Variants in TYRO3 observed in about 807,000 individuals in gnomAD.
TYRO3 encodes TYRO3 protein tyrosine kinase, also known as tyrosine-protein kinase receptor TYRO3.
A neutral mutation model predicts 95.2 loss-of-function variants in TYRO3; 38 were observed. The observed-to-expected ratio is 0.40, with a 90% CI of 0.31 to 0.52. TYRO3 has a LOEUF of 0.52. TYRO3 is among the 20% of genes least tolerant of loss of function. TYRO3 has a pLI of 0.56. For synonymous variants in TYRO3, 367 were observed against 432.9 expected, an observed-to-expected ratio of 0.85 and a Z score of 1.89; for missense variants, 812 against 1,116.4, an observed-to-expected ratio of 0.73 and a Z score of 3.89.
rs749651412 is a variant in TYRO3, at chr15:41,562,639, A to G, written c.501A>G (p.Glu167=). Residue 167 remains glutamate, a synonymous_variant, in exon 4 of 19, where the codon GAA becomes GAG. Coordinates refer to ENST00000263798, the MANE Select transcript of TYRO3 (RefSeq NM_006293.4). The stretch of plus-strand genomic sequence containing the variant: ...CTTGTGAGGCTGTGGGTCCCCCTGA[A>G]CCTGTTACCATTGTCTGGTGGAGAG... The part of the protein sequence containing the change: ...QLSCEAVGPP[E]PVTIVWWRGT... 2.5e-6 allele frequency: 4 copies of G among 1,613,964 alleles called. No homozygotes were observed. The highest frequency in any genetic ancestry group is 3.4e-6 in the Non-Finnish European group (4 of 1,180,054).
chr15:41,576,913 C>T (rs1330896053), intron 18 of TYRO3, among the ~76,000 whole-genome samples: 1 of 151,880 alleles, frequency 6.6e-6, no homozygotes, highest in Non-Finnish European at 1.5e-5. Context: ...ATCTTTTAGC[C>T]TCAGCCTCCT....
chr15:41,568,629 C>T (rs763602278), intron 8 of TYRO3, among the ~76,000 whole-genome samples: 5 of 152,080 alleles, frequency 3.3e-5, no homozygotes, highest in Non-Finnish European at 7.4e-5. Flanking sequence ...AAGGCTTTGT[C>T]CCCAGCTCAG....
At chr15:41,574,233 C>G (rs1431247757) in intron 18 of TYRO3, among the ~76,000 whole-genome samples, 1 of 152,110 alleles carries the variant, frequency 6.6e-6, no homozygotes, top group Admixed American at 6.6e-5. Flanking sequence ...CCCAGCTAGT[C>G]TAAGAAAACT....
chr15:41,577,791 A>C, intron 18 of TYRO3, 95 bp from the exon 19 acceptor site: 328 of 1,198,510 alleles, frequency 2.7e-4, no homozygotes, highest in Non-Finnish European at 3.2e-4. Flanking sequence ...CCACCAGGGA[A>C]TAAAATTTTT....
chr15:41,567,867 C>T (rs1053607754), intron 7 of TYRO3, among the ~76,000 whole-genome samples: 1 of 152,220 alleles, frequency 6.6e-6, no homozygotes, highest in African/African-American at 2.4e-5. Context: ...GGGAAAATCA[C>T]TGCCGGAAGA....
At chr15:41,569,721 T>C (rs1278234702) in intron 9 of TYRO3, among the ~76,000 whole-genome samples, 2 of 152,220 alleles carry the variant, frequency 1.3e-5, no homozygotes, top group South Asian at 2.1e-4. Flanking sequence ...GAGCTGCAAC[T>C]GTGCCCCTGC....
chr15:41,571,318 A>G (rs1276302161), intron 13 of TYRO3, among the ~76,000 whole-genome samples, 200 bp downstream of exon 13: 1 of 152,220 alleles, frequency 6.6e-6, no homozygotes, highest in East Asian at 1.9e-4. Context: ...GCTCTCTGCC[A>G]TCGGCAGTGA....
chr15:41,582,998 T>TTTTTTTTTTTTTTG lies in TYRO3; in HGVS notation c.*4735_*4736insGTTTTTTTTTTTTT, dbSNP rs1566906706. The TTTTTTTTTTTTTTG allele has an allele frequency of 1.3e-5, 1 of 78,410 alleles. No homozygotes were observed. The highest frequency in any genetic ancestry group is 2.6e-5 in the Non-Finnish European group (1 of 38,544). 4.9% of individuals were successfully genotyped at this position (78,410 alleles called of 1,614,324 possible). A position where few individuals can be genotyped will look rare whatever the true frequency, so the allele number is the denominator to read the frequency against. ...ACTGCACCTGGCAAATTTTTAAGTG[T>TTTTTTTTTTTTTTG]TTTTTTTTTTTTTTAATACAGAGCC... On this transcript the variant is annotated 3_prime_UTR_variant, in exon 19 of 19. Transcript: ENST00000263798.
intron 18 of TYRO3, among the ~76,000 whole-genome samples, chr15:41,575,588 C>T (rs948025337): frequency 3.3e-5 from 5 of 152,218 alleles, no homozygotes; most frequent in South Asian, 2.1e-4. Flanking sequence ...GGCATGATTA[C>T]TGCCATTACT....
chr15:41,577,765 T>C (rs1595507159), intron 18 of TYRO3, 121 bp from the exon 19 acceptor site: 1 of 1,027,894 alleles, frequency 9.7e-7, no homozygotes, highest in Non-Finnish European at 1.4e-6. Flanking sequence ...AGATTACAGA[T>C]GCGAGCCGCT....
At chr15:41,568,415 G>A in intron 8 of TYRO3, 53 bp downstream of exon 8, 1 of 1,530,650 alleles carries the variant, frequency 6.5e-7, no homozygotes, top group Non-Finnish European at 8.8e-7. Flanking sequence ...AGCCTTCAGG[G>A]TTCTAAGGCC....
In TYRO3 at chr15:41,578,308, C is replaced by T; in HGVS notation, c.*32C>T. ...GGCAGAGGGCATCGGGGCCATTTGG[C>T]CGGCTCTGGTGGCCACTGAGCTGGC... On this transcript the variant is annotated 3_prime_UTR_variant, in exon 19 of 19. Coordinates refer to ENST00000263798, the MANE Select transcript of TYRO3 (RefSeq NM_006293.4). 2 of 1,611,818 alleles carry T rather than the reference C, an allele frequency of 1.2e-6. No homozygotes were observed. Among genetic ancestry groups the T allele is most frequent in the Non-Finnish European group, 1.7e-6 (2 of 1,179,408 alleles).
At chr15:41,577,229 C>T (rs1430771237) in intron 18 of TYRO3, 1 of 152,140 alleles carries the variant, frequency 6.6e-6, no homozygotes, top group African/African-American at 2.4e-5. Context: ...GTGGGAGGAT[C>T]ACTAGAGGCC....
rs779051778 is a variant in TYRO3 at position 41,565,084 on chromosome 15, T to G, written c.726T>G (p.Ser242Arg). 1.4e-5 allele frequency: 22 copies of G among 1,613,352 alleles called. No homozygotes were observed. The highest frequency in any genetic ancestry group is 1.5e-5 in the Non-Finnish European group (18 of 1,180,008). ...TVTKLSSSNA[S>R]VAWMPGADGR... ...CAAAGCTTTCCAGCAGCAACGCTAG[T>G]GTGGCCTGGATGCCAGGTGCTGATG... Residue 242 changes from serine (S) to arginine (R), a missense_variant, in exon 6 of 19, where the codon AGT becomes AGG. Coordinates refer to ENST00000263798, the MANE Select transcript of TYRO3 (RefSeq NM_006293.4).
At position 41,581,404 on chromosome 15, in the gene TYRO3, C is replaced by T. The variant is rs2055921895; in HGVS notation, c.*3128C>T. On this transcript the variant is annotated 3_prime_UTR_variant, in exon 19 of 19. Coordinates refer to ENST00000263798, the MANE Select transcript of TYRO3 (RefSeq NM_006293.4). ...GTTGCTGGTACTCCAAATTCTGGTT[C>T]CCATGTAGATCATGAAACCTGAAAA... 6.5e-6 allele frequency: 1 copy of T among 153,238 alleles called. No homozygotes were observed. Among genetic ancestry groups the T allele is most frequent in the African/African-American group, 2.4e-5 (1 of 41,422 alleles). 9.5% of individuals were successfully genotyped at this position (153,238 alleles called of 1,614,324 possible). A position where few individuals can be genotyped will look rare whatever the true frequency, so the allele number is the denominator to read the frequency against.
chr15:41,562,409 T>C, intron 3 of TYRO3, 139 bp from the exon 4 acceptor site: 1 of 711,872 alleles, frequency 1.4e-6, no homozygotes, highest in Non-Finnish European at 2.2e-6. Flanking sequence ...GCTAGATGCC[T>C]GTTCTGCTGT....
chr15:41,576,176 T>G (rs1413018712), intron 18 of TYRO3, among the ~76,000 whole-genome samples: 1 of 151,554 alleles, frequency 6.6e-6, no homozygotes, highest in East Asian at 1.9e-4. Flanking sequence ...TACTCAAAAG[T>G]TATATATGAA....
intron 4 of TYRO3, among the ~76,000 whole-genome samples, chr15:41,563,872 T>C (rs1017338214): frequency 1.3e-5 from 2 of 152,162 alleles, no homozygotes; most frequent in Non-Finnish European, 2.9e-5. Context: ...ATTTGTGCTG[T>C]GTGTGGGAGA....
rs66906913 is a variant in TYRO3 at position 41,580,886 on chromosome 15, C to A, written c.*2610C>A. ...ATTTCAAGTGATCTGCCTGCCTTAG[C>A]CTCCCAAAGTGCTGTGATAACAGGG... is the stretch of plus-strand genomic sequence containing the variant. On this transcript the variant is annotated 3_prime_UTR_variant, in exon 19 of 19. Coordinates refer to ENST00000263798, the MANE Select transcript of TYRO3 (RefSeq NM_006293.4). 65,886 of 151,906 alleles carry A rather than the reference C, an allele frequency of 0.43. 14,799 individuals carry two copies. Among genetic ancestry groups the A allele is most frequent in the East Asian group, 0.82 (4,183 of 5,110 alleles). 9.4% of individuals were successfully genotyped at this position (151,906 alleles called of 1,614,324 possible). A position where few individuals can be genotyped will look rare whatever the true frequency, so the allele number is the denominator to read the frequency against.
Sources: gnomAD v4.1 joint callset for allele counts (sites outside exome capture counted in the v4.1 genomes callset) on GRCh38, gnomAD v4.1.1 for gene constraint, MANE v1.5 for transcripts, NCBI Gene and HGNC (gene_info 2026-07-23, HGNC 2026-07-21) for gene names.